NUP210L: variants seen among roughly 807,000 people sequenced by gnomAD.
NUP210L encodes the protein nucleoporin 210 like.
Under a neutral mutation model 208.5 loss-of-function variants are expected in NUP210L, and 74 were observed. That is an observed-to-expected ratio of 0.35 (90% confidence interval 0.29 to 0.43). The LOEUF (loss-of-function observed/expected upper bound fraction) is 0.43, where lower values mean the gene tolerates loss of function less well. NUP210L is among the 20% of genes least tolerant of loss of function. NUP210L has a pLI of 1.00. For missense variants in NUP210L, 1,843 were observed against 2,289.4 expected (o/e 0.81, Z 3.98); for synonymous variants, 780 against 816.9 (o/e 0.95, Z 0.77).
At chr1:154,094,992 A>G (rs1656112767) in exon 15 of NUP210L, 6 of 1,614,170 alleles carry the variant, frequency 3.7e-6, no homozygotes, top group Non-Finnish European at 5.1e-6. Flanking sequence ...GTTTTCTCTT[A>G]GATGGCAGCC....
chr1:154,145,097 G>A (rs1217949487), intron 2 of NUP210L, among the ~76,000 whole-genome samples: 1 of 151,660 alleles, frequency 6.6e-6, no homozygotes, highest in Non-Finnish European at 1.5e-5. Context: ...GACAGAGTGA[G>A]ACTGTCTCAA....
chr1:154,017,161 A>G (rs1053622883), intron 33 of NUP210L, among the ~76,000 whole-genome samples: 1 of 151,668 alleles, frequency 6.6e-6, no homozygotes, highest in African/African-American at 2.4e-5. Context: ...CGTGCCTGTA[A>G]TCCCAGCTAC....
intron 16 of NUP210L, among the ~76,000 whole-genome samples, chr1:154,077,471 A>C (rs1343078388): frequency 6.6e-6 from 1 of 152,154 alleles, no homozygotes. Flanking sequence ...AAATTAAGAC[A>C]TTCTAAGATC....
intron 12 of NUP210L, among the ~76,000 whole-genome samples, chr1:154,115,511 G>A (rs888638732): frequency 6.6e-6 from 1 of 152,092 alleles, no homozygotes; most frequent in Non-Finnish European, 1.5e-5. Context: ...TCTTATTGAA[G>A]TTCCCACCTC....
At chr1:154,006,119 A>G (rs1172848336) in intron 35 of NUP210L, among the ~76,000 whole-genome samples, 3 of 152,018 alleles carry the variant, frequency 2.0e-5, no homozygotes, top group Non-Finnish European at 4.4e-5. Context: ...CAGCCTCCCA[A>G]AGTGTTGGGA....
chr1:154,116,056 C>A (rs957005673), intron 12 of NUP210L, among the ~76,000 whole-genome samples: 3 of 151,898 alleles, frequency 2.0e-5, no homozygotes, highest in Non-Finnish European at 4.4e-5. Context: ...GAGATAGAGA[C>A]CAGCCTGGCT....
chr1:154,061,152 C>T (rs1654114703), intron 18 of NUP210L, 106 bp from the exon 19 acceptor site: 1 of 710,670 alleles, frequency 1.4e-6, no homozygotes, highest in Non-Finnish European at 2.4e-6. Flanking sequence ...GTAAGGCAGG[C>T]AGATCACCTG....
chr1:154,049,652 G>A (rs1487995095), intron 25 of NUP210L, among the ~76,000 whole-genome samples: 4 of 152,062 alleles, frequency 2.6e-5, no homozygotes, highest in African/African-American at 9.7e-5. Flanking sequence ...TCCAGTCTTT[G>A]TTATTAAGAA....
At chr1:154,134,247 G>A (rs1658402885) in intron 7 of NUP210L, among the ~76,000 whole-genome samples, 1 of 151,618 alleles carries the variant, frequency 6.6e-6, no homozygotes, top group South Asian at 2.1e-4. Context: ...ACAATGTTGA[G>A]CATATAGTAG....
chr1:154,003,754 T>C (rs968121585), intron 35 of NUP210L, among the ~76,000 whole-genome samples: 1 of 152,086 alleles, frequency 6.6e-6, no homozygotes, highest in African/African-American at 2.4e-5. Flanking sequence ...TCCTAAAACA[T>C]TGGGATTATA....
At chr1:154,072,544 G>A (rs893335697) in intron 16 of NUP210L, among the ~76,000 whole-genome samples, 1 of 151,938 alleles carries the variant, frequency 6.6e-6, no homozygotes, top group Non-Finnish European at 1.5e-5. Context: ...GTGTTAGCCA[G>A]GATGGTCTTG....
chr1:154,112,236 C>T (rs1019306308), intron 12 of NUP210L, among the ~76,000 whole-genome samples: 1 of 152,038 alleles, frequency 6.6e-6, no homozygotes, highest in South Asian at 2.1e-4. Flanking sequence ...CTCAACAACA[C>T]ATTTTTTTTA....
intron 17 of NUP210L, among the ~76,000 whole-genome samples, chr1:154,062,566 C>CTTTTTTTTT: frequency 8.8e-6 from 1 of 113,474 alleles, no homozygotes; most frequent in Non-Finnish European, 1.8e-5. Context: ...TTTTCTTTTT[C>CTTTTTTTTT]CTTTTTTTTT....
intron 32 of NUP210L, among the ~76,000 whole-genome samples, chr1:154,020,819 C>T (rs551516289): frequency 7.2e-5 from 11 of 151,870 alleles, no homozygotes; most frequent in Non-Finnish European, 1.5e-4. Context: ...GTCACTACAC[C>T]CGGCCTTAAT....
At chr1:153,998,746 G>T (rs1650046000) in intron 37 of NUP210L, among the ~76,000 whole-genome samples, 1 of 143,472 alleles carries the variant, frequency 7.0e-6, no homozygotes, top group African/African-American at 2.6e-5. Flanking sequence ...CTGAGACAGG[G>T]TCTCGTTTTG....
In NUP210L at chr1:153,992,850, C is replaced by T; in HGVS notation, c.5652G>A (p.Trp1884Ter). ...CAAGCAGAGGTTAGTGCCTTATACT[C>T]CATAACCAATGTTGCAGCCGACTTT... Residue 1884 changes from tryptophan to a stop codon, truncating the protein, a stop_gained, in exon 40 of 40, where the codon TGG (tryptophan) becomes TGA (stop). Coordinates refer to ENST00000368559, the Ensembl canonical transcript of NUP210L. LOFTEE classifies it high-confidence loss of function. 3.1e-6 allele frequency: 5 copies of T among 1,612,656 alleles called. No individual in the cohort carries two copies. The highest frequency in any genetic ancestry group is 4.2e-6 in the Non-Finnish European group (5 of 1,179,176).
At chr1:154,058,737 T>C (rs367786284) in intron 20 of NUP210L, 44 bp from the exon 21 acceptor site, 1 of 1,596,730 alleles carries the variant, frequency 6.3e-7, no homozygotes, top group Non-Finnish European at 8.5e-7. Flanking sequence ...GCAAACATGC[T>C]CCAAGCATAA....
At chr1:153,995,234 A>G in intron 37 of NUP210L, 54 bp from the exon 38 acceptor site, 2 of 1,253,946 alleles carry the variant, frequency 1.6e-6, no homozygotes, top group Non-Finnish European at 2.3e-6. Context: ...CCATGGGCAG[A>G]TGCTGCATTT....
chr1:154,063,975 T>C (rs1249814659), intron 17 of NUP210L, among the ~76,000 whole-genome samples: 1 of 149,306 alleles, frequency 6.7e-6, no homozygotes, highest in Non-Finnish European at 1.5e-5. Context: ...TATGATATGG[T>C]ATATTATACA....
Sources: allele counts gnomAD v4.1 joint callset (sites outside exome capture counted in the v4.1 genomes callset), GRCh38; gene constraint gnomAD v4.1.1; transcripts MANE v1.5; gene names NCBI Gene and HGNC (gene_info 2026-07-23, HGNC 2026-07-21).